The following SLAMF8 variants were observed in gnomAD, a reference collection of about 807,000 sequenced individuals.
The protein encoded by SLAMF8 is B lymphocyte activator macrophage expressed.
A neutral mutation model predicts 29.0 loss-of-function variants in SLAMF8; 23 were observed. The observed-to-expected ratio is 0.79, with a 90% CI of 0.57 to 1.13. The LOEUF is 1.13. Among genes scored for constraint, SLAMF8 ranks in the 50% most tolerant of loss-of-function variants. The pLI is 0.00. For synonymous variants in SLAMF8, 139 were observed against 145.6 expected (o/e 0.96, Z 0.32); for missense variants, 381 against 353.1 (o/e 1.08, Z -0.63).
chr1:159,830,031 A>G lies in SLAMF8; in HGVS notation c.206A>G (p.Glu69Gly). The G allele has an allele frequency of 6.2e-7, 1 of 1,614,212 alleles. No homozygotes were observed. The highest frequency in any genetic ancestry group is 8.5e-7 in the Non-Finnish European group (1 of 1,180,024). Residue 69 changes from glutamate to glycine, a missense_variant, in exon 2 of 5, where the codon GAG (glutamate) becomes GGG (glycine). By Grantham distance (98) the Glu-to-Gly change is moderately conservative (BLOSUM62 -2). Coordinates refer to ENST00000289707, the MANE Select transcript of SLAMF8 (RefSeq NM_020125.3). ...GCCACGTTTTTCCGAGGCTCCCTGG[A>G]GACTCTGTACCATTCCCGCTTCCTG... is the stretch of plus-strand genomic sequence containing the variant. ...LLATFFRGSL[E>G]TLYHSRFLGR...
chr1:159,835,420 C>T lies in SLAMF8; in HGVS notation c.*160C>T, dbSNP rs1487480116. 3.6e-6 allele frequency: 5 copies of T among 1,403,856 alleles called. No individual in the cohort carries two copies. The highest frequency in any genetic ancestry group is 6.6e-5 in the Admixed American group (2 of 30,288). 87.0% of individuals were successfully genotyped at this position (1,403,856 alleles called of 1,614,324 possible). A position where few individuals can be genotyped will look rare whatever the true frequency, so the allele number is the denominator to read the frequency against. On this transcript the variant is annotated 3_prime_UTR_variant, in exon 5 of 5. Transcript: ENST00000289707. ...AGCAGCCTGGGCAGCCATCACACCACGAGGACAGGAAGCACCAGCACGTTT... is the reference window on the plus strand; with the variant it reads ...AGCAGCCTGGGCAGCCATCACACCATGAGGACAGGAAGCACCAGCACGTTT...
In SLAMF8 at chr1:159,833,251, T is replaced by G; in HGVS notation, c.674-11T>G. On this transcript the variant is annotated splice_polypyrimidine_tract_variant and intron_variant, in intron 3 of 4. Coordinates refer to ENST00000289707, the MANE Select transcript of SLAMF8 (RefSeq NM_020125.3). ...TCAAGTCCACCTCTAACCCCACCCCTCCATGTTCAGCACCAGGGAAGGCCT... is the reference window on the plus strand; with the variant it reads ...TCAAGTCCACCTCTAACCCCACCCCGCCATGTTCAGCACCAGGGAAGGCCT... 6.2e-7 allele frequency: 1 copy of G among 1,614,070 alleles called. No individual in the cohort carries two copies. The highest frequency in any genetic ancestry group is 8.5e-7 in the Non-Finnish European group (1 of 1,179,974).
Position 159,833,067 on chromosome 1 carries a change from A to C in SLAMF8, c.559A>C (p.Ser187Arg), listed in dbSNP as rs192400987. The change falls in exon 3 of 5, where the codon AGC (serine) becomes CGC (arginine). Residue 187 changes from serine (S) to arginine (R), a missense_variant. Coordinates refer to ENST00000289707, the MANE Select transcript of SLAMF8 (RefSeq NM_020125.3). Reference protein sequence around the residue: ...HSLFTDGQVLSISLGPGDRDV... With the variant: ...HSLFTDGQVLRISLGPGDRDV... ...CCTCTTCACAGACGGACAGGTGCTG[A>C]GCATTTCCCTGGGACCAGGAGACAG... 8 of 1,614,170 alleles carry C rather than the reference A, an allele frequency of 5.0e-6. No homozygotes were observed. The Admixed American group carries it at 6.7e-5, about 13-fold the overall frequency.
Position 159,835,715 on chromosome 1 carries a change from C to T in SLAMF8, c.*455C>T, listed in dbSNP as rs1243336289. 4.1e-6 allele frequency: 4 copies of T among 986,810 alleles called. No homozygotes were observed. The African/African-American group carries it at 5.2e-5, about 13-fold the overall frequency. The allele number at this position is 986,810 out of a possible 1,614,324, so 61.1% of individuals were successfully genotyped here. A position where few individuals can be genotyped will look rare whatever the true frequency, so the allele number is the denominator to read the frequency against. On this transcript the variant is annotated 3_prime_UTR_variant, in exon 5 of 5. Transcript: ENST00000289707. ...AGGAACTCTGAGTCACCCATGCCAG[C>T]ATCAGCTTCAGCCCCAGACCCTGCA... is the stretch of plus-strand genomic sequence containing the variant.
At position 159,836,054 on chromosome 1, in the gene SLAMF8, G is replaced by A; in HGVS notation, c.*794G>A. On this transcript the variant is annotated 3_prime_UTR_variant, in exon 5 of 5. Coordinates refer to ENST00000289707, the MANE Select transcript of SLAMF8 (RefSeq NM_020125.3). ...GAGTCTTTCCTCACGCTCCAGCACAGTGGCCAGGAAAAGAAATACTGAATT... is the reference window on the plus strand; with the variant it reads ...GAGTCTTTCCTCACGCTCCAGCACAATGGCCAGGAAAAGAAATACTGAATT... 2 of 985,462 alleles carry A rather than the reference G, an allele frequency of 2.0e-6. No individual in the cohort carries two copies. Among genetic ancestry groups the A allele is most frequent in the Non-Finnish European group, 2.4e-6 (2 of 829,944 alleles). The allele number at this position is 985,462 out of a possible 1,614,324, so 61.0% of individuals were successfully genotyped here. A position where few individuals can be genotyped will look rare whatever the true frequency, so the allele number is the denominator to read the frequency against.
rs1261969279 is a variant in SLAMF8, at chr1:159,835,816, T to TG, written c.*561dup. ...TCTAGAAATAGGTGAAAGTGAGAGGTGGGGGACAGGGGTTTCTCTTTCTGG... is the reference window on the plus strand; with the variant it reads ...TCTAGAAATAGGTGAAAGTGAGAGGTGGGGGGACAGGGGTTTCTCTTTCTGG... On this transcript the variant is annotated 3_prime_UTR_variant, in exon 5 of 5. Coordinates refer to ENST00000289707, the MANE Select transcript of SLAMF8 (RefSeq NM_020125.3). The TG allele has an allele frequency of 8.1e-6, 8 of 985,208 alleles. No individual in the cohort carries two copies. The African/African-American group carries it at 1.2e-4, about 15-fold the overall frequency. 61.0% of individuals were successfully genotyped at this position (985,208 alleles called of 1,614,324 possible).
At chr1:159,828,420 G>A (rs1663762939) in intron 1 of SLAMF8, among the ~76,000 whole-genome samples, 1 of 152,184 alleles carries the variant, frequency 6.6e-6, no homozygotes, top group Non-Finnish European at 1.5e-5. Flanking sequence ...GGCAGAGGGG[G>A]ACCGGAATTA....
Position 159,836,776 on chromosome 1 carries a change from T to C in SLAMF8, c.*1516T>C, listed in dbSNP as rs935418496. The C allele has an allele frequency of 4.1e-6, 4 of 985,518 alleles. No individual in the cohort carries two copies. Among genetic ancestry groups the C allele is most frequent in the Non-Finnish European group, 4.8e-6 (4 of 830,058 alleles). 61.0% of individuals were successfully genotyped at this position (985,518 alleles called of 1,614,324 possible). A position where few individuals can be genotyped will look rare whatever the true frequency, so the allele number is the denominator to read the frequency against. On this transcript the variant is annotated 3_prime_UTR_variant, in exon 5 of 5. Coordinates refer to ENST00000289707, the MANE Select transcript of SLAMF8 (RefSeq NM_020125.3). ...GTTCCCAGATCCTCCCTGCCTGGCCTGCTCAGAGGTTCCCTGTTGGTAACC... is the reference window on the plus strand; with the variant it reads ...GTTCCCAGATCCTCCCTGCCTGGCCCGCTCAGAGGTTCCCTGTTGGTAACC...
intron 2 of SLAMF8, among the ~76,000 whole-genome samples, chr1:159,831,857 T>C (rs1481765784): frequency 6.6e-6 from 1 of 152,244 alleles, no homozygotes; most frequent in Non-Finnish European, 1.5e-5. Context: ...GGAAGCAGCT[T>C]GTCCTCTTAA....
At chr1:159,832,754 A>C in intron 2 of SLAMF8, 122 bp from the exon 3 acceptor site, 1 of 1,102,820 alleles carries the variant, frequency 9.1e-7, no homozygotes, top group Non-Finnish European at 1.3e-6. Flanking sequence ...GCCAGACAAG[A>C]TTTTGGAACA....
At chr1:159,827,824 A>G (rs1033031330) in intron 1 of SLAMF8, among the ~76,000 whole-genome samples, 5 of 152,092 alleles carry the variant, frequency 3.3e-5, no homozygotes, top group African/African-American at 7.2e-5. Context: ...TGGTGAGACA[A>G]AAATAATTTG....
chr1:159,827,180 C>A (rs1454161600), intron 1 of SLAMF8, among the ~76,000 whole-genome samples: 1 of 152,164 alleles, frequency 6.6e-6, no homozygotes, highest in Non-Finnish European at 1.5e-5. Flanking sequence ...GAGACATGAG[C>A]TGTTTTGTGG....
chr1:159,834,712 C>A (rs2101800727), intron 4 of SLAMF8: 1 of 153,060 alleles, frequency 6.5e-6, no homozygotes, highest in East Asian at 1.9e-4. Context: ...ATGCTTTTGT[C>A]TTTCCTGGAC....
rs148674725 is a variant in SLAMF8, at chr1:159,830,213, C to T, written c.367+21C>T. The stretch of plus-strand genomic sequence containing the variant: ...GTACGGTGAGTGTGTCTGACACTGG[C>T]TGCCTGGCCCTCTTCCCCCACAAAG... On this transcript the variant is annotated intron_variant, in intron 2 of 4. Transcript: ENST00000289707. 3,717 of 1,544,282 alleles carry T rather than the reference C, an allele frequency of 2.4e-3. 83 individuals are homozygous for T. In the African/African-American group the frequency reaches 0.041, roughly 17 times the overall value.
In SLAMF8 at chr1:159,836,043, G is replaced by T. The variant is rs749107547; in HGVS notation, c.*783G>T. ...GTGAGGGTGGAGAGTCTTTCCTCAC[G>T]CTCCAGCACAGTGGCCAGGAAAAGA... is the stretch of plus-strand genomic sequence containing the variant. On this transcript the variant is annotated 3_prime_UTR_variant, in exon 5 of 5. Coordinates refer to ENST00000289707, the MANE Select transcript of SLAMF8 (RefSeq NM_020125.3). 2.2e-5 allele frequency: 22 copies of T among 985,258 alleles called. No individual in the cohort carries two copies. Among genetic ancestry groups the T allele is most frequent in the East Asian group, 1.1e-4 (1 of 8,830 alleles). The allele number at this position is 985,258 out of a possible 1,614,324, so 61.0% of individuals were successfully genotyped here.
intron 4 of SLAMF8, among the ~76,000 whole-genome samples, chr1:159,834,091 G>T (rs1647710098): frequency 6.6e-6 from 1 of 152,234 alleles, no homozygotes; most frequent in South Asian, 2.1e-4. Context: ...ATACAGCTCA[G>T]TCCCTTCCTC....
Position 159,833,123 on chromosome 1 carries a change from C to A in SLAMF8, c.615C>A (p.Asn205Lys). 2 of 1,614,160 alleles carry A rather than the reference C, an allele frequency of 1.2e-6. No individual in the cohort carries two copies. The highest frequency in any genetic ancestry group is 2.2e-5 in the South Asian group (2 of 91,080). ...RDVAYSCIVSNPVSWDLATVT... is the reference protein window; with the variant it reads ...RDVAYSCIVSKPVSWDLATVT... ...TGGCCTATTCCTGCATTGTCTCCAA[C>A]CCTGTCAGCTGGGACTTGGCCACAG... is the stretch of plus-strand genomic sequence containing the variant. Residue 205 changes from asparagine (N) to lysine (K), a missense_variant, in exon 3 of 5, where the codon AAC becomes AAA. Coordinates refer to ENST00000289707, the MANE Select transcript of SLAMF8 (RefSeq NM_020125.3).
chr1:159,835,657 G>C lies in SLAMF8; in HGVS notation c.*397G>C. ...GAATTGCCTCCAGCCTGAGTCCTAGGCTCTAAAAGATATTACATATTTGAA... is the reference window on the plus strand; with the variant it reads ...GAATTGCCTCCAGCCTGAGTCCTAGCCTCTAAAAGATATTACATATTTGAA... On this transcript the variant is annotated 3_prime_UTR_variant, in exon 5 of 5. Transcript: ENST00000289707. The C allele has an allele frequency of 2.0e-6, 2 of 1,000,400 alleles. No homozygotes were observed. The highest frequency in any genetic ancestry group is 2.4e-6 in the Non-Finnish European group (2 of 839,460). The allele number at this position is 1,000,400 out of a possible 1,614,324, so 62.0% of individuals were successfully genotyped here.
In SLAMF8 at chr1:159,836,633, G is replaced by A. The variant is rs34764650; in HGVS notation, c.*1373G>A. Reference sequence around the variant, plus strand: ...TGGCTTCAATCTCCCCACCTAGGATGTCAGCCCTGTCCAAGGACCTTCCCT... The same window carrying A: ...TGGCTTCAATCTCCCCACCTAGGATATCAGCCCTGTCCAAGGACCTTCCCT... On this transcript the variant is annotated 3_prime_UTR_variant, in exon 5 of 5. Coordinates refer to ENST00000289707, the MANE Select transcript of SLAMF8 (RefSeq NM_020125.3). 61 of 985,428 alleles carry A rather than the reference G, an allele frequency of 6.2e-5. No homozygotes were observed. The highest frequency in any genetic ancestry group is 7.2e-5 in the Non-Finnish European group (60 of 829,950). 61.0% of individuals were successfully genotyped at this position (985,428 alleles called of 1,614,324 possible).
Sources: gnomAD v4.1 joint callset for allele counts (sites outside exome capture counted in the v4.1 genomes callset) on GRCh38, gnomAD v4.1.1 for gene constraint, MANE v1.5 for transcripts, NCBI Gene and HGNC (gene_info 2026-07-23, HGNC 2026-07-21) for gene names.